Variants in CEP85L observed in about 807,000 individuals in gnomAD.
CEP85L encodes centrosomal protein of 85 kDa-like.
In CEP85L, 60 loss-of-function variants were observed where a neutral mutation model predicts 100.3. That is an observed-to-expected ratio of 0.60 (90% confidence interval 0.49 to 0.74). CEP85L has a LOEUF of 0.74. Ranked by LOEUF, CEP85L falls within the 30% of genes least tolerant of loss-of-function variation. The pLI, the probability that CEP85L is intolerant of heterozygous loss-of-function variation, is 0.00. For synonymous variants in CEP85L, 319 were observed against 322.7 expected (o/e 0.99, Z 0.12); for missense variants, 973 against 936.2 (o/e 1.04, Z -0.51).
chr6:118,652,479 TGTG>T, upstream of CEP85L: 1 of 1,311,234 alleles, frequency 7.6e-7, no homozygotes, highest in Non-Finnish European at 9.7e-7. Context: ...GGGCCAGCAC[TGTG>T]GTGGGAGGCG....
intron 6 of CEP85L, among the ~76,000 whole-genome samples, chr6:118,489,805 G>A (rs1216847067): frequency 6.6e-6 from 1 of 152,046 alleles, no homozygotes; most frequent in Non-Finnish European, 1.5e-5. Context: ...CAAAAGAATT[G>A]AAATCAGGAT....
intron 5 of CEP85L, among the ~76,000 whole-genome samples, chr6:118,503,568 GTGGT>G (rs1359589357): frequency 7.2e-5 from 11 of 152,066 alleles, no homozygotes; most frequent in Non-Finnish European, 1.3e-4. Context: ...TCAAAACAAT[GTGGT>G]ATTAGTGATA....
At chr6:118,649,273 T>A (rs1450759200) in intron 1 of CEP85L, among the ~76,000 whole-genome samples, 3 of 152,242 alleles carry the variant, frequency 2.0e-5, no homozygotes, top group African/African-American at 7.2e-5. Context: ...CAATAGTTTA[T>A]TACTGACAAA....
At chr6:118,630,927 T>C (rs867957061) in intron 2 of CEP85L, among the ~76,000 whole-genome samples, 7 of 152,232 alleles carry the variant, frequency 4.6e-5, no homozygotes, top group African/African-American at 2.4e-5. Context: ...GAGAATCTAA[T>C]GATAAATATA....
intron 2 of CEP85L, among the ~76,000 whole-genome samples, chr6:118,574,723 T>C (rs919484289): frequency 4.6e-5 from 7 of 151,954 alleles, no homozygotes; most frequent in African/African-American, 1.7e-4. Flanking sequence ...CAGACCAAAG[T>C]AGGAAAAGCC....
intron 1 of CEP85L, among the ~76,000 whole-genome samples, chr6:118,657,930 G>A (rs1287887499): frequency 6.6e-6 from 1 of 152,158 alleles, no homozygotes; most frequent in Admixed American, 6.5e-5. Context: ...CTGGGTACTA[G>A]AAGAGAATTC....
intron 4 of CEP85L, among the ~76,000 whole-genome samples, chr6:118,514,051 A>G (rs1394314295): frequency 6.6e-6 from 1 of 152,228 alleles, no homozygotes; most frequent in Non-Finnish European, 1.5e-5. Flanking sequence ...ATAAAATAGT[A>G]TAGTATTACT....
At chr6:118,519,564 GTGTGTGTGTGTGT>G (rs1462839505) in intron 4 of CEP85L, among the ~76,000 whole-genome samples, 7 of 14,660 alleles carry the variant, frequency 4.8e-4, no homozygotes, top group East Asian at 2.0e-3. Flanking sequence ...GTGTGTGTGT[GTGTGTGTGTGTGT>G]GTGTGGCGGG....
rs567520195 is a variant in CEP85L, at chr6:118,462,690, C to T, written c.*2715G>A. 1 of 152,036 alleles carries T rather than the reference C, an allele frequency of 6.6e-6. No homozygotes were observed. Among genetic ancestry groups the T allele is most frequent in the African/African-American group, 2.4e-5 (1 of 41,508 alleles). 9.4% of individuals were successfully genotyped at this position (152,036 alleles called of 1,614,324 possible). ...ATATTGGTGTCATAACTTCCACGAACATCCTAGTTCAAACTGGGTGAGATG... is the reference window on the plus strand; with the variant it reads ...ATATTGGTGTCATAACTTCCACGAATATCCTAGTTCAAACTGGGTGAGATG... On this transcript the variant is annotated 3_prime_UTR_variant, in exon 13 of 13. Transcript: ENST00000368491.
chr6:118,474,035 T>C (rs1407151064), intron 10 of CEP85L, among the ~76,000 whole-genome samples: 2 of 152,272 alleles, frequency 1.3e-5, no homozygotes, highest in Admixed American at 1.3e-4. Flanking sequence ...TTGATAAAAC[T>C]TTAAAAACAA....
chr6:118,492,025 A>T (rs1313773778), intron 5 of CEP85L, among the ~76,000 whole-genome samples, 160 bp from the exon 6 acceptor site: 1 of 152,180 alleles, frequency 6.6e-6, no homozygotes, highest in African/African-American at 2.4e-5. Context: ...GTTATGTACC[A>T]TAATTAAAGT....
chr6:118,696,011 C>T (rs1024694992), intron 1 of CEP85L, among the ~76,000 whole-genome samples: 11 of 152,258 alleles, frequency 7.2e-5, no homozygotes, highest in African/African-American at 2.6e-4. Flanking sequence ...TGGTTCACGC[C>T]TGTAATCCCA....
At chr6:118,543,653 A>G (rs1006671064) in intron 3 of CEP85L, among the ~76,000 whole-genome samples, 2 of 149,842 alleles carry the variant, frequency 1.3e-5, no homozygotes, top group African/African-American at 2.5e-5. Flanking sequence ...TATAAGAACA[A>G]GACAGTAAGG....
At chr6:118,649,780 G>T (rs1775424758) in intron 1 of CEP85L, among the ~76,000 whole-genome samples, 1 of 151,808 alleles carries the variant, frequency 6.6e-6, no homozygotes, top group African/African-American at 2.4e-5. Context: ...CTAAATTCAT[G>T]CCTACATTAA....
intron 1 of CEP85L, among the ~76,000 whole-genome samples, chr6:118,638,821 G>A (rs1470011136): frequency 6.6e-6 from 1 of 151,932 alleles, no homozygotes; most frequent in African/African-American, 2.4e-5. Flanking sequence ...AGGAAGATTA[G>A]CATTAAATAA....
intron 3 of CEP85L, among the ~76,000 whole-genome samples, chr6:118,553,857 A>G (rs1381987854): frequency 2.6e-5 from 4 of 152,218 alleles, no homozygotes; most frequent in Non-Finnish European, 5.9e-5. Flanking sequence ...TAATCAGGTA[A>G]CCATTAATTT....
At chr6:118,597,548 T>C (rs1426265463) in intron 2 of CEP85L, among the ~76,000 whole-genome samples, 1 of 152,208 alleles carries the variant, frequency 6.6e-6, no homozygotes. Flanking sequence ...TGAAAGATTA[T>C]AGAAACTTAT....
intron 4 of CEP85L, 65 bp from the exon 5 acceptor site, chr6:118,511,480 G>A: frequency 2.0e-6 from 2 of 1,009,618 alleles, no homozygotes; most frequent in Non-Finnish European, 3.1e-6. Flanking sequence ...AGAACCTTAA[G>A]GAGCTTATTC....
intron 1 of CEP85L, among the ~76,000 whole-genome samples, chr6:118,677,520 A>G (rs1449578576): frequency 1.3e-5 from 2 of 152,214 alleles, no homozygotes; most frequent in Non-Finnish European, 2.9e-5. Flanking sequence ...TAACTACTAC[A>G]GATTCTGATG....
Sources: gnomAD v4.1 joint callset for allele counts (sites outside exome capture counted in the v4.1 genomes callset) on GRCh38, gnomAD v4.1.1 for gene constraint, MANE v1.5 for transcripts, NCBI Gene and HGNC (gene_info 2026-07-23, HGNC 2026-07-21) for gene names.